The following AGAP1 variants were observed in gnomAD, a reference collection of about 807,000 sequenced individuals.
AGAP1 encodes the protein arf-GAP with GTPase, ANK repeat and PH domain-containing protein 1.
AGAP1 carries 29 observed loss-of-function variants against 105.3 expected under a neutral mutation model. That is an observed-to-expected ratio of 0.28 (90% CI 0.21 to 0.38). The LOEUF is 0.38. Ranked by LOEUF, AGAP1 falls within the 10% of genes least tolerant of loss-of-function variation. The pLI, the probability that AGAP1 is intolerant of heterozygous loss-of-function variation, is 1.00. For synonymous variants in AGAP1, 509 were observed against 485.9 expected (o/e 1.05, Z -0.63); for missense variants, 998 against 1,165.1 (o/e 0.86, Z 2.09).
chr2:236,028,489 C>T lies in AGAP1; in HGVS notation c.1646-8072C>T, dbSNP rs563957363. On this transcript the variant is annotated intron_variant, in intron 13 of 17. Coordinates refer to ENST00000304032, the MANE Select transcript of AGAP1 (RefSeq NM_001037131.3). ...CTACCTCAGAGATAGAAATATATGT[C>T]TATTATTTGTGAAGGCATGCTTAAA... 3.5e-4 allele frequency among the ~76,000 whole-genome samples: 54 copies of T among 152,280 alleles called. 1 individual carries two copies. The highest frequency in any genetic ancestry group is 1.0e-3 in the African/African-American group (43 of 41,552).
At chr2:235,778,438 GT>G (rs1956045736) in intron 6 of AGAP1, among the ~76,000 whole-genome samples, 1 of 152,150 alleles carries the variant, frequency 6.6e-6, no homozygotes, top group Non-Finnish European at 1.5e-5. Context: ...GAGCCAGAAG[GT>G]TCTTCGAGGT....
intron 16 of AGAP1, among the ~76,000 whole-genome samples, chr2:236,063,979 A>G (rs1442088207): frequency 6.6e-6 from 1 of 152,234 alleles, no homozygotes; most frequent in African/African-American, 2.4e-5. Flanking sequence ...TGGAGGATAC[A>G]TACATAATCA....
intron 5 of AGAP1, among the ~76,000 whole-genome samples, chr2:235,746,376 A>ATTTT (rs1559427651): frequency 2.3e-5 from 1 of 44,094 alleles, no homozygotes; most frequent in African/African-American, 9.4e-5. Flanking sequence ...ACCTCCCCCA[A>ATTTT]CTTTTTTTTT....
chr2:235,678,085 G>A (rs149406376), intron 1 of AGAP1, among the ~76,000 whole-genome samples: 2 of 151,876 alleles, frequency 1.3e-5, no homozygotes, highest in Non-Finnish European at 3.0e-5. Context: ...TTATGGTGCC[G>A]GTGAGCCTGC....
chr2:235,627,020 G>GT (rs1183599547), intron 1 of AGAP1, among the ~76,000 whole-genome samples: 1 of 152,080 alleles, frequency 6.6e-6, no homozygotes, highest in Admixed American at 6.5e-5. Context: ...TTCACATAAC[G>GT]TAAGTTTGAA....
rs950536470 is a variant in AGAP1, at chr2:236,001,688, C to T, written c.1645+33065C>T. Among the ~76,000 whole-genome samples, 2 of 152,106 alleles carry T rather than the reference C, an allele frequency of 1.3e-5. No individual in the cohort carries two copies. Among genetic ancestry groups the T allele is most frequent in the African/African-American group, 2.4e-5 (1 of 41,428 alleles). On this transcript the variant is annotated intron_variant, in intron 13 of 17. Transcript: ENST00000304032. The surrounding 1 kb of genome is among the most constrained non-coding windows in gnomAD (Gnocchi z 4.7). ...CACATCCTGGAGGGGCGGGGATTTC[C>T]CCTTTTGTTTTGTTTCTGTATAAGA...
At chr2:235,802,509 T>G (rs1166013077) in intron 8 of AGAP1, among the ~76,000 whole-genome samples, 1 of 152,186 alleles carries the variant, frequency 6.6e-6, no homozygotes, top group Non-Finnish European at 1.5e-5. Flanking sequence ...AAATTTGGAG[T>G]CATAAAAGAA....
chr2:235,636,156 G>A (rs948204107), intron 1 of AGAP1, among the ~76,000 whole-genome samples: 3 of 116,236 alleles, frequency 2.6e-5, no homozygotes, highest in African/African-American at 7.2e-5. Context: ...AATAAATAAA[G>A]TCTCATCTTA....
Position 236,038,662 on chromosome 2 carries a change from A to AAATACAGGCCCAGTTG in AGAP1, c.1800+1949_1800+1964dup, listed in dbSNP as rs2125671657. Among the ~76,000 whole-genome samples, 1 of 152,318 alleles carries AAATACAGGCCCAGTTG rather than the reference A, an allele frequency of 6.6e-6. No homozygotes were observed. The highest frequency in any genetic ancestry group is 2.1e-4 in the South Asian group (1 of 4,830). ...GTCCACAAGGAGTAGCGGGAGGCAA[A>AAATACAGGCCCAGTTG]AATACAGGCCCAGTTGACCACCAGC... is the stretch of plus-strand genomic sequence containing the variant. On this transcript the variant is annotated intron_variant, in intron 14 of 17. Coordinates refer to ENST00000304032, the MANE Select transcript of AGAP1 (RefSeq NM_001037131.3). The surrounding 1 kb of genome is among the most constrained non-coding windows in gnomAD (Gnocchi z 4.5).
chr2:235,691,493 C>T lies in AGAP1; in HGVS notation c.164-17686C>T, dbSNP rs1205713695. On this transcript the variant is annotated intron_variant, in intron 1 of 17. Coordinates refer to ENST00000304032, the MANE Select transcript of AGAP1 (RefSeq NM_001037131.3). The surrounding 1 kb of genome is among the most constrained non-coding windows in gnomAD (Gnocchi z 4.4). Reference sequence around the variant, plus strand: ...CATTTGAGATGTGCCAACATTTAGTCGGATTCTGTGACTGGTCGTGAGTCC... The same window carrying T: ...CATTTGAGATGTGCCAACATTTAGTTGGATTCTGTGACTGGTCGTGAGTCC... Among the ~76,000 whole-genome samples, 3 of 152,242 alleles carry T rather than the reference C, an allele frequency of 2.0e-5. No homozygotes were observed. The highest frequency in any genetic ancestry group is 4.4e-5 in the Non-Finnish European group (3 of 68,046).
rs1200431573 is a variant in AGAP1, at chr2:235,967,136, A to C, written c.1484-1326A>C. Among the ~76,000 whole-genome samples, 1 of 150,868 alleles carries C rather than the reference A, an allele frequency of 6.6e-6. No homozygotes were observed. The highest frequency in any genetic ancestry group is 1.5e-5 in the Non-Finnish European group (1 of 67,648). On this transcript the variant is annotated intron_variant, in intron 12 of 17. Coordinates refer to ENST00000304032, the MANE Select transcript of AGAP1 (RefSeq NM_001037131.3). This position sits in a 1 kb window ranked among gnomAD's most constrained non-coding sequence, Gnocchi z 4.7. ...GTGCCACCTTCCGCAGGCCTCTCCC[A>C]CCCACACCGGCCACCGCCACTCGGG...
At position 235,879,509 on chromosome 2, in the gene AGAP1, G is replaced by A. The variant is rs544716700; in HGVS notation, c.1051-3836G>A. Among the ~76,000 whole-genome samples the A allele has an allele frequency of 5.3e-4, 81 of 152,338 alleles. No homozygotes were observed. Among genetic ancestry groups the A allele is most frequent in the Middle Eastern group, 3.4e-3 (1 of 294 alleles). ...CCAAGATTATCCCCCCTGGCAAGAC[G>A]TAGAGTTTAAGTTAAGTTTACTTAT... On this transcript the variant is annotated intron_variant, in intron 9 of 17. Transcript: ENST00000304032. The surrounding 1 kb of genome is among the most constrained non-coding windows in gnomAD (Gnocchi z 5.0).
chr2:236,046,226 C>G lies in AGAP1; in HGVS notation c.1892-2833C>G, dbSNP rs368081875. The stretch of plus-strand genomic sequence containing the variant: ...GTGTCAGAGCACTCCCCACAGCACT[C>G]GGTGATGGGCTGGATGCTGGGACAT... On this transcript the variant is annotated intron_variant, in intron 15 of 17. Transcript: ENST00000304032. This position sits in a 1 kb window ranked among gnomAD's most constrained non-coding sequence, Gnocchi z 5.2. 6.6e-6 allele frequency among the ~76,000 whole-genome samples: 1 copy of G among 152,044 alleles called. No individual in the cohort carries two copies. Among genetic ancestry groups the G allele is most frequent in the African/African-American group, 2.4e-5 (1 of 41,392 alleles).
At chr2:236,085,301 T>G (rs1261292063) in intron 16 of AGAP1, among the ~76,000 whole-genome samples, 1 of 150,846 alleles carries the variant, frequency 6.6e-6, no homozygotes, top group Non-Finnish European at 1.5e-5. Flanking sequence ...GAAGGGGTGG[T>G]AGGGGGGCAG....
At chr2:235,940,546 G>C (rs1350452299) in intron 12 of AGAP1, among the ~76,000 whole-genome samples, 2 of 152,194 alleles carry the variant, frequency 1.3e-5, no homozygotes, top group Non-Finnish European at 2.9e-5. Context: ...CTTCCGCCCA[G>C]ACGTCAGCTC....
At chr2:236,115,069 T>C (rs1013424898) in intron 16 of AGAP1, among the ~76,000 whole-genome samples, 2 of 152,210 alleles carry the variant, frequency 1.3e-5, no homozygotes, top group Non-Finnish European at 2.9e-5. Context: ...AGCTCGTATG[T>C]ACACACAGCC....
rs139008904 is a variant in AGAP1, at chr2:235,960,505, G to C, written c.1484-7957G>C. Among the ~76,000 whole-genome samples the C allele has an allele frequency of 6.6e-6, 1 of 152,080 alleles. No homozygotes were observed. The highest frequency in any genetic ancestry group is 2.4e-5 in the African/African-American group (1 of 41,404). On this transcript the variant is annotated intron_variant, in intron 12 of 17. Coordinates refer to ENST00000304032, the MANE Select transcript of AGAP1 (RefSeq NM_001037131.3). The surrounding 1 kb of genome is among the most constrained non-coding windows in gnomAD (Gnocchi z 4.9). ...GGCTGGAGGTGGCCTGGGTATGCTC[G>C]GTCCAGTGCAGGTGGGCGTGCGGAC...
At chr2:235,641,258 A>C (rs1288458364) in intron 1 of AGAP1, among the ~76,000 whole-genome samples, 1 of 151,456 alleles carries the variant, frequency 6.6e-6, no homozygotes, top group East Asian at 2.0e-4. Flanking sequence ...GGCAAATAAA[A>C]CTGCAGATGT....
chr2:236,108,905 G>T (rs1361083773), intron 16 of AGAP1, among the ~76,000 whole-genome samples: 2 of 152,190 alleles, frequency 1.3e-5, no homozygotes, highest in African/African-American at 2.4e-5. Context: ...CTGAAAGGCA[G>T]TCAGAAGCTT....
Sources: gnomAD v4.1 joint callset for allele counts (sites outside exome capture counted in the v4.1 genomes callset) on GRCh38, gnomAD v4.1.1 for gene constraint, Gnocchi (gnomAD v3.1) non-coding constraint, MANE v1.5 for transcripts, NCBI Gene and HGNC (gene_info 2026-07-23, HGNC 2026-07-21) for gene names.